The following HIP1 variants were observed in gnomAD, a reference collection of about 807,000 sequenced individuals.
HIP1 encodes huntingtin interacting protein 1, also known as huntingtin-interacting protein 1.
HIP1 carries 65 observed loss-of-function variants against 147.6 expected under a neutral mutation model. That is an observed-to-expected ratio of 0.44 (90% CI 0.36 to 0.54). HIP1 has a LOEUF of 0.54. HIP1 is among the 20% of genes least tolerant of loss of function. The pLI is 0.00. For synonymous variants in HIP1, 479 were observed against 504.0 expected (o/e 0.95, Z 0.67); for missense variants, 1,061 against 1,299.6 (o/e 0.82, Z 2.82).
chr7:75,601,842 G>A (rs961300040), intron 1 of HIP1, among the ~76,000 whole-genome samples: 3 of 151,794 alleles, frequency 2.0e-5, no homozygotes, highest in Non-Finnish European at 4.4e-5. Flanking sequence ...TATATGTTTG[G>A]CCACAAGTTC....
In HIP1 at chr7:75,541,975, T is replaced by C; in HGVS notation, c.2896A>G (p.Met966Val). Residue 966 changes from methionine to valine, a missense_variant, in exon 29 of 31, where the codon ATG becomes GTG. Transcript: ENST00000336926. ...GTCAGCGTCATGCTTGAGAAGTCCA[T>C]GTTGTCTGCAAGGATGGAAACAAGA... ...GKSQIEETDN[M>V]DFSSMTLTQI... The C allele has an allele frequency of 6.2e-7, 1 of 1,613,834 alleles. No homozygotes were observed.
chr7:75,605,783 G>A (rs1469954183), intron 1 of HIP1, among the ~76,000 whole-genome samples: 1 of 152,170 alleles, frequency 6.6e-6, no homozygotes, highest in Admixed American at 6.5e-5. Context: ...TGATCCCCCT[G>A]CCTTGGCCTC....
chr7:75,687,348 C>T (rs945103486), intron 1 of HIP1, among the ~76,000 whole-genome samples: 1 of 152,156 alleles, frequency 6.6e-6, no homozygotes, highest in African/African-American at 2.4e-5. Context: ...CCTTGCTGGT[C>T]TCTCTTGTTG....
At chr7:75,597,776 C>G (rs191046255) in intron 2 of HIP1, among the ~76,000 whole-genome samples, 2 of 149,872 alleles carry the variant, frequency 1.3e-5, no homozygotes, top group African/African-American at 2.5e-5. Context: ...TCTGCTTGCC[C>G]GGAACTCCAC....
At chr7:75,597,632 T>TG in intron 2 of HIP1, among the ~76,000 whole-genome samples, 1 of 148,460 alleles carries the variant, frequency 6.7e-6, no homozygotes, top group Non-Finnish European at 1.5e-5. Flanking sequence ...CCCAGCTACT[T>TG]GGGAGGTTGA....
At position 75,718,575 on chromosome 7, in the gene HIP1, C is replaced by T. The variant is rs531458015; in HGVS notation, c.120+20226G>A. On this transcript the variant is annotated intron_variant, in intron 1 of 30. Transcript: ENST00000336926. ...GCAACTGATAACAGGCAGACACAAA[C>T]GCCAGTCCTCCGACTTGGAGCCAAC... 1.7e-4 allele frequency among the ~76,000 whole-genome samples: 26 copies of T among 152,286 alleles called. No individual in the cohort carries two copies. The East Asian group carries it at 3.7e-3, about 21-fold the overall frequency.
intron 1 of HIP1, among the ~76,000 whole-genome samples, chr7:75,664,313 T>C (rs62651317): frequency 0.48 from 63,813 of 134,156 alleles, 16,193 homozygotes; most frequent in African/African-American, 0.64. Context: ...TGTATGTATA[T>C]GTATACATAC....
intron 1 of HIP1, among the ~76,000 whole-genome samples, chr7:75,616,742 G>A (rs587765441): frequency 1.3e-5 from 2 of 152,278 alleles, no homozygotes; most frequent in South Asian, 2.1e-4. Flanking sequence ...AGCCTATGAG[G>A]GTGGATGTCC....
intron 1 of HIP1, among the ~76,000 whole-genome samples, chr7:75,705,373 T>C (rs1223607360): frequency 1.6e-4 from 24 of 151,890 alleles, no homozygotes; most frequent in African/African-American, 5.6e-4. Context: ...TTTTTTTTTT[T>C]CTTTTTTTTT....
intron 1 of HIP1, among the ~76,000 whole-genome samples, chr7:75,701,151 T>G (rs1215130168): frequency 1.3e-5 from 2 of 152,140 alleles, no homozygotes; most frequent in Non-Finnish European, 2.9e-5. Flanking sequence ...CCTGGCACTT[T>G]GGAAGGCTGA....
At chr7:75,629,050 C>T (rs1161857486) in intron 1 of HIP1, among the ~76,000 whole-genome samples, 4 of 152,088 alleles carry the variant, frequency 2.6e-5, no homozygotes, top group African/African-American at 9.7e-5. Flanking sequence ...AAAAATCCAG[C>T]AAGAAAAAGT....
At chr7:75,685,437 T>G (rs1044870520) in intron 1 of HIP1, among the ~76,000 whole-genome samples, 2 of 152,244 alleles carry the variant, frequency 1.3e-5, no homozygotes, top group Non-Finnish European at 2.9e-5. Context: ...GGTTCACATT[T>G]CCTCTTCCGT....
chr7:75,686,840 GTTC>G (rs869169335), intron 1 of HIP1, among the ~76,000 whole-genome samples: 1 of 121,756 alleles, frequency 8.2e-6, no homozygotes, highest in Non-Finnish European at 1.7e-5. Context: ...TATTATTTTA[GTTC>G]TTTTTTTTTT....
intron 13 of HIP1, 129 bp from the exon 14 acceptor site, chr7:75,560,044 A>T: frequency 2.2e-6 from 2 of 912,372 alleles, no homozygotes; most frequent in Non-Finnish European, 3.2e-6. Context: ...TCCACGTCCC[A>T]GGAGGGTTGG....
intron 1 of HIP1, among the ~76,000 whole-genome samples, chr7:75,706,473 C>CTTTTTTTTTTATTTTTTTTT (rs139655610): frequency 7.2e-6 from 1 of 138,092 alleles, no homozygotes; most frequent in East Asian, 2.1e-4. Context: ...TATATATCTT[C>CTTTTTTTTTTATTTTTTTTT]TTTTTTTTTA....
At chr7:75,719,668 G>A (rs576856083) in intron 1 of HIP1, among the ~76,000 whole-genome samples, 13 of 152,084 alleles carry the variant, frequency 8.5e-5, no homozygotes, top group African/African-American at 2.9e-4. Context: ...TGATCCACTC[G>A]CCTTGGCCTC....
rs535961968 is a variant in HIP1 at position 75,732,628 on chromosome 7, G to A, written c.120+6173C>T. On this transcript the variant is annotated intron_variant, in intron 1 of 30. Transcript: ENST00000336926. Reference sequence around the variant, plus strand: ...ACTCCTGGGCTCAAGCCATCCTCCCGCCTCAGCCTCCCAAAATGCTGGGAT... The same window carrying A: ...ACTCCTGGGCTCAAGCCATCCTCCCACCTCAGCCTCCCAAAATGCTGGGAT... Among the ~76,000 whole-genome samples the A allele has an allele frequency of 2.8e-4, 43 of 152,156 alleles. No homozygotes were observed. The East Asian group carries it at 6.0e-3, about 21-fold the overall frequency.
intron 1 of HIP1, among the ~76,000 whole-genome samples, chr7:75,716,192 A>G (rs2117365131): frequency 6.6e-6 from 1 of 152,188 alleles, no homozygotes; most frequent in African/African-American, 2.4e-5. Flanking sequence ...AAAGTTCCAG[A>G]CAAAAACAAT....
chr7:75,668,988 C>T lies in HIP1; in HGVS notation c.121-69741G>A, dbSNP rs186281761. Among the ~76,000 whole-genome samples the T allele has an allele frequency of 1.4e-3, 219 of 152,056 alleles. 2 individuals carry two copies. The highest frequency in any genetic ancestry group is 5.1e-3 in the African/African-American group (211 of 41,498). On this transcript the variant is annotated intron_variant, in intron 1 of 30. Transcript: ENST00000336926. ...ATCCCAGCACTTTGGGAGGCCGAGG[C>T]GGGCAGATCACTTGAAGTCAGGAGT...
Sources: allele counts gnomAD v4.1 joint callset (sites outside exome capture counted in the v4.1 genomes callset), GRCh38; gene constraint gnomAD v4.1.1; transcripts MANE v1.5; gene names NCBI Gene and HGNC (gene_info 2026-07-23, HGNC 2026-07-21).